The following TBC1D5 variants were observed in gnomAD, a reference collection of about 807,000 sequenced individuals.
TBC1D5 encodes TBC1 domain family, member 5.
TBC1D5 carries 75 observed loss-of-function variants against 100.3 expected under a neutral mutation model. The observed-to-expected ratio is 0.75, with a 90% CI of 0.62 to 0.91. The LOEUF is 0.91. Ranked by LOEUF, TBC1D5 falls within the 40% of genes least tolerant of loss-of-function variation. TBC1D5 has a pLI of 0.00. For missense variants in TBC1D5, 910 were observed against 942.4 expected (o/e 0.97, Z 0.45); for synonymous variants, 323 against 325.6 (o/e 0.99, Z 0.09).
intron 1 of TBC1D5, among the ~76,000 whole-genome samples, chr3:17,689,317 A>G (rs745384865): frequency 3.9e-5 from 6 of 152,116 alleles, no homozygotes; most frequent in Admixed American, 6.5e-5. Context: ...AAGTGGGCAG[A>G]TTGCTTCAGT....
At chr3:17,267,880 AATTC>A (rs2079007327) in intron 15 of TBC1D5, among the ~76,000 whole-genome samples, 1 of 152,182 alleles carries the variant, frequency 6.6e-6, no homozygotes, top group Non-Finnish European at 1.5e-5. Context: ...TGGAATTAAA[AATTC>A]ATTTATTGTA....
chr3:17,190,774 C>A (rs1191993647), intron 18 of TBC1D5, among the ~76,000 whole-genome samples: 1 of 152,146 alleles, frequency 6.6e-6, no homozygotes, highest in African/African-American at 2.4e-5. Context: ...TGCTTAGCTT[C>A]TAAGTGGGTG....
chr3:17,202,691 C>T (rs1395210457), intron 18 of TBC1D5, among the ~76,000 whole-genome samples: 3 of 152,224 alleles, frequency 2.0e-5, no homozygotes, highest in Non-Finnish European at 4.4e-5. Context: ...TCTGTTCCAT[C>T]CATGGCTAAA....
intron 13 of TBC1D5, among the ~76,000 whole-genome samples, chr3:17,347,816 C>T (rs1488657198): frequency 6.6e-6 from 1 of 152,112 alleles, no homozygotes; most frequent in African/African-American, 2.4e-5. Flanking sequence ...CTGGGCAACA[C>T]AGCAAGACCT....
intron 17 of TBC1D5, among the ~76,000 whole-genome samples, chr3:17,236,724 T>C (rs924030226): frequency 3.3e-5 from 5 of 152,134 alleles, no homozygotes; most frequent in African/African-American, 1.2e-4. Context: ...GACCTCGTGA[T>C]CTACCTCGGC....
intron 18 of TBC1D5, among the ~76,000 whole-genome samples, chr3:17,193,261 G>A (rs1411173450): frequency 6.6e-6 from 1 of 152,204 alleles, no homozygotes; most frequent in African/African-American, 2.4e-5. Flanking sequence ...AACAGGGGCT[G>A]CAGGGCAAGA....
At chr3:17,230,050 G>C (rs116114528) in intron 17 of TBC1D5, among the ~76,000 whole-genome samples, 1 of 152,222 alleles carries the variant, frequency 6.6e-6, no homozygotes, top group Non-Finnish European at 1.5e-5. Context: ...GAACATAATG[G>C]AACTACTTGT....
intron 3 of TBC1D5, among the ~76,000 whole-genome samples, chr3:17,458,189 TCTC>T (rs2095129731): frequency 6.6e-6 from 1 of 152,086 alleles, no homozygotes; most frequent in African/African-American, 2.4e-5. Flanking sequence ...CCATGATCCT[TCTC>T]CTCCCCTAGT....
At chr3:17,532,222 C>G (rs1051296908) in intron 2 of TBC1D5, among the ~76,000 whole-genome samples, 13 of 152,098 alleles carry the variant, frequency 8.5e-5, no homozygotes, top group Non-Finnish European at 1.5e-4. Flanking sequence ...GCACCCAAAA[C>G]ACACATGAAA....
At chr3:17,194,553 C>T (rs1453486157) in intron 18 of TBC1D5, among the ~76,000 whole-genome samples, 1 of 152,218 alleles carries the variant, frequency 6.6e-6, no homozygotes, top group East Asian at 1.9e-4. Flanking sequence ...TGCATGCTCT[C>T]TTCTGTAACT....
chr3:17,195,999 C>T (rs2070634556), intron 18 of TBC1D5, among the ~76,000 whole-genome samples: 1 of 152,078 alleles, frequency 6.6e-6, no homozygotes, highest in Non-Finnish European at 1.5e-5. Context: ...TAGAGGACGC[C>T]AGAGCAAAGC....
In TBC1D5 at chr3:17,484,455, G is replaced by GGTGTGTGTGTGTGTGTGTGTGTGT. The variant is rs34847216; in HGVS notation, c.97+23995_97+24018dup. 1.2e-3 allele frequency among the ~76,000 whole-genome samples: 137 copies of GGTGTGTGTGTGTGTGTGTGTGTGT among 111,526 alleles called. 7 individuals are homozygous for GGTGTGTGTGTGTGTGTGTGTGTGT. Among genetic ancestry groups the GGTGTGTGTGTGTGTGTGTGTGTGT allele is most frequent in the African/African-American group, 3.7e-3 (92 of 24,980 alleles). The allele number at this position is 111,526 out of a possible 152,430, so 73.2% of individuals were successfully genotyped here. ...TTTAAAGATAATAAGGTAACACCAG[G>GGTGTGTGTGTGTGTGTGTGTGTGT]GTGTGTGTGTGTGTGTGTGTGTGTG... On this transcript the variant is annotated intron_variant, in intron 3 of 21. Coordinates refer to ENST00000253692, the Ensembl canonical transcript of TBC1D5.
At chr3:17,453,543 G>C (rs2094979046) in intron 3 of TBC1D5, among the ~76,000 whole-genome samples, 1 of 152,044 alleles carries the variant, frequency 6.6e-6, no homozygotes, top group African/African-American at 2.4e-5. Context: ...CAATAAATTG[G>C]ACAATCTAGA....
At chr3:17,182,379 G>A (rs1234107963) in intron 19 of TBC1D5, among the ~76,000 whole-genome samples, 1 of 152,182 alleles carries the variant, frequency 6.6e-6, no homozygotes, top group Non-Finnish European at 1.5e-5. Flanking sequence ...AGCTGGTATA[G>A]GCTTTTCTTT....
intron 3 of TBC1D5, among the ~76,000 whole-genome samples, chr3:17,495,061 T>C (rs1355533945): frequency 1.3e-5 from 2 of 152,220 alleles, no homozygotes; most frequent in African/African-American, 4.8e-5. Context: ...TGCTCCACTA[T>C]GCTTTTCCTC....
At chr3:17,199,067 T>G (rs1316522958) in intron 18 of TBC1D5, among the ~76,000 whole-genome samples, 1 of 152,244 alleles carries the variant, frequency 6.6e-6, no homozygotes, top group Admixed American at 6.5e-5. Flanking sequence ...GTTCCGCATT[T>G]AAACGTTTTA....
intron 13 of TBC1D5, among the ~76,000 whole-genome samples, chr3:17,331,095 C>G (rs2086806749): frequency 6.6e-6 from 1 of 152,110 alleles, no homozygotes; most frequent in Admixed American, 6.6e-5. Flanking sequence ...TAATGTGTCC[C>G]TGCAATTAGA....
chr3:17,457,584 C>T (rs73161486), intron 3 of TBC1D5, among the ~76,000 whole-genome samples: 13,899 of 152,200 alleles, frequency 0.091, 1,431 homozygotes, highest in African/African-American at 0.26. Context: ...AGCTTTTCCA[C>T]TAAAGCCTTC....
chr3:17,428,670 G>T, intron 3 of TBC1D5, 151 bp from the exon 4 acceptor site: 1 of 290,748 alleles, frequency 3.4e-6, no homozygotes, highest in Non-Finnish European at 6.5e-6. Flanking sequence ...AAGCTTTTTA[G>T]GTAGAAAACT....
Sources: gnomAD v4.1 joint callset for allele counts (sites outside exome capture counted in the v4.1 genomes callset) on GRCh38, gnomAD v4.1.1 for gene constraint, MANE v1.5 for transcripts, NCBI Gene and HGNC (gene_info 2026-07-23, HGNC 2026-07-21) for gene names.